Variants in PFDN2 observed in about 807,000 individuals in gnomAD.
The protein encoded by PFDN2 is prefoldin subunit 2.
PFDN2 carries 7 observed loss-of-function variants against 18.3 expected under a neutral mutation model. The observed-to-expected ratio is 0.38, with a 90% confidence interval of 0.22 to 0.72. The LOEUF (loss-of-function observed/expected upper bound fraction) is 0.72, where lower values mean the gene tolerates loss of function less well. Ranked by LOEUF, PFDN2 falls within the 30% of genes least tolerant of loss-of-function variation. The pLI is 0.47. For synonymous variants in PFDN2, 76 were observed against 75.0 expected, an observed-to-expected ratio of 1.01 and a Z score of -0.07; for missense variants, 181 against 199.1, an observed-to-expected ratio of 0.91 and a Z score of 0.55.
At chr1:161,100,941 G>A (rs1375334964) in intron 3 of PFDN2, 82 bp from the exon 4 acceptor site, 4 of 1,032,288 alleles carry the variant, frequency 3.9e-6, no homozygotes, top group Non-Finnish European at 5.9e-6. Context: ...TGGAGGAAGT[G>A]TTAACACATT....
At chr1:161,109,721 C>T (rs571778163) in intron 1 of PFDN2, among the ~76,000 whole-genome samples, 38 of 152,012 alleles carry the variant, frequency 2.5e-4, no homozygotes, top group Admixed American at 1.8e-3. Context: ...GATCCAGGCA[C>T]GGTGGCTCAC....
chr1:161,112,966 A>G (rs1203924814), intron 1 of PFDN2, among the ~76,000 whole-genome samples: 2 of 151,304 alleles, frequency 1.3e-5, no homozygotes, highest in Non-Finnish European at 2.9e-5. Flanking sequence ...AGGAGGGGGG[A>G]AAAAATCTCT....
At chr1:161,105,465 CTTT>C (rs768318514) in intron 1 of PFDN2, among the ~76,000 whole-genome samples, 1 of 150,750 alleles carries the variant, frequency 6.6e-6, no homozygotes, top group Non-Finnish European at 1.5e-5. Flanking sequence ...CTTTTCTTTT[CTTT>C]TTTTTTCTGA....
At chr1:161,104,089 T>C (rs1268581920) in intron 1 of PFDN2, among the ~76,000 whole-genome samples, 1 of 152,246 alleles carries the variant, frequency 6.6e-6, no homozygotes, top group African/African-American at 2.4e-5. Context: ...ATGTGTAGTG[T>C]GAACTGAGAA....
chr1:161,107,205 C>A (rs1455489443), intron 1 of PFDN2, among the ~76,000 whole-genome samples: 1 of 152,132 alleles, frequency 6.6e-6, no homozygotes, highest in Non-Finnish European at 1.5e-5. Context: ...GTAGATGGAT[C>A]ACGAGGTCAG....
chr1:161,117,971 C>T lies in PFDN2; in HGVS notation c.56G>A (p.Gly19Glu). 1 of 1,612,804 alleles carries T rather than the reference C, an allele frequency of 6.2e-7. No homozygotes were observed. The highest frequency in any genetic ancestry group is 1.1e-5 in the South Asian group (1 of 90,904). The change falls in exon 1 of 4, where the codon GGG becomes GAG. Residue 19 changes from glycine (G) to glutamate (E), a missense_variant. Coordinates refer to ENST00000368010, the MANE Select transcript of PFDN2 (RefSeq NM_012394.4). Reference protein sequence around the residue: ...GKSSGSGAGKGAVSAEQVIAG... With the variant: ...GKSSGSGAGKEAVSAEQVIAG... ...CCTCACCTGCTCTGCGGACACCGCCCCCTTCCCCGCGCCGCTCCCGCTGCT... is the reference window on the plus strand; with the variant it reads ...CCTCACCTGCTCTGCGGACACCGCCTCCTTCCCCGCGCCGCTCCCGCTGCT...
At chr1:161,113,992 G>A (rs1389132858) in intron 1 of PFDN2, among the ~76,000 whole-genome samples, 1 of 152,136 alleles carries the variant, frequency 6.6e-6, no homozygotes, top group African/African-American at 2.4e-5. Flanking sequence ...GTTTCCTGAG[G>A]GAAGTTTGAG....
In PFDN2 at chr1:161,100,643, G is replaced by A; in HGVS notation, c.*40C>T. On this transcript the variant is annotated 3_prime_UTR_variant, in exon 4 of 4. Transcript: ENST00000368010. ...TAATAACAATAAAGAGAAATTAGAAGTGGGAGTCAGGGTAGAAAAAAATGC... is the reference window on the plus strand; with the variant it reads ...TAATAACAATAAAGAGAAATTAGAAATGGGAGTCAGGGTAGAAAAAAATGC... 1.5e-6 allele frequency: 2 copies of A among 1,303,618 alleles called. No homozygotes were observed. The highest frequency in any genetic ancestry group is 3.0e-5 in the South Asian group (2 of 66,170). The allele number at this position is 1,303,618 out of a possible 1,614,324, so 80.8% of individuals were successfully genotyped here.
intron 1 of PFDN2, among the ~76,000 whole-genome samples, chr1:161,117,655 G>T (rs565798700): frequency 6.6e-6 from 1 of 152,282 alleles, no homozygotes; most frequent in South Asian, 2.1e-4. Context: ...AGGCTGAGGA[G>T]AGATAGAGAA....
At position 161,102,359 on chromosome 1, in the gene PFDN2, T is replaced by C. The variant is rs189134235; in HGVS notation, c.92A>G (p.Asn31Ser). 176 of 1,614,062 alleles carry C rather than the reference T, an allele frequency of 1.1e-4. No homozygotes were observed. Among genetic ancestry groups the C allele is most frequent in the Admixed American group, 5.2e-4 (31 of 60,020 alleles). The change falls in exon 2 of 4, where the codon AAC becomes AGC. Residue 31 changes from asparagine (N) to serine (S), a missense_variant. Transcript: ENST00000368010. The part of the protein sequence containing the change: ...VSAEQVIAGF[N>S]RLRQEQRGLA... ...GCCTCGCTGTTCCTGCCGAAGGCGG[T>C]TGAAGCCAGCAATCACCTAACAAGG...
chr1:161,109,154 C>T (rs1037530806), intron 1 of PFDN2, among the ~76,000 whole-genome samples: 2 of 152,208 alleles, frequency 1.3e-5, no homozygotes, highest in African/African-American at 4.8e-5. Flanking sequence ...ACTCAGTGTC[C>T]TAAGTCACTG....
intron 1 of PFDN2, among the ~76,000 whole-genome samples, chr1:161,107,405 A>T (rs1654700586): frequency 1.4e-5 from 2 of 138,262 alleles, no homozygotes; most frequent in Non-Finnish European, 3.1e-5. Flanking sequence ...ATCCTGGCTG[A>T]CAGAGCGAGA....
Position 161,108,240 on chromosome 1 carries a change from G to A in PFDN2, c.76-5865C>T, listed in dbSNP as rs576059919. ...GGCCAAGGCCAGCAGATCATTTGAG[G>A]TCAGGAGTTCAAGACCAGCCTGGCT... On this transcript the variant is annotated intron_variant, in intron 1 of 3. Coordinates refer to ENST00000368010, the MANE Select transcript of PFDN2 (RefSeq NM_012394.4). Among the ~76,000 whole-genome samples the A allele has an allele frequency of 5.4e-4, 82 of 151,182 alleles. 3 individuals are homozygous for A. In the South Asian group the frequency reaches 0.016, roughly 30 times the overall value.
At chr1:161,109,509 CTATT>C (rs1654753312) in intron 1 of PFDN2, among the ~76,000 whole-genome samples, 1 of 152,150 alleles carries the variant, frequency 6.6e-6, no homozygotes, top group Admixed American at 6.5e-5. Flanking sequence ...TTTAAAATAT[CTATT>C]TCTTTCATAG....
chr1:161,102,021 C>A (rs774438632), intron 3 of PFDN2, 27 bp downstream of exon 3: 2 of 1,613,446 alleles, frequency 1.2e-6, no homozygotes, highest in Non-Finnish European at 8.5e-7. Flanking sequence ...CCACTGTACC[C>A]GATCCTATTC....
In PFDN2 at chr1:161,100,838, G is replaced by C; in HGVS notation, c.310C>G (p.Leu104Val). 3.1e-6 allele frequency: 5 copies of C among 1,613,494 alleles called. No homozygotes were observed. The highest frequency in any genetic ancestry group is 1.7e-6 in the Non-Finnish European group (2 of 1,179,454). Residue 104 changes from leucine to valine, a missense_variant, in exon 4 of 4, where the codon CTG becomes GTG. By Grantham distance (32) the Leu-to-Val change is conservative. Transcript: ENST00000368010. ...KEQIQKIIETLTQQLQAKGKE... is the reference protein window; with the variant it reads ...KEQIQKIIETVTQQLQAKGKE... ...CCCTTTGCCTGAAGCTGCTGTGTCAGTGTCTCAATGATCTTCTGTATCTAG... is the reference window on the plus strand; with the variant it reads ...CCCTTTGCCTGAAGCTGCTGTGTCACTGTCTCAATGATCTTCTGTATCTAG...
At chr1:161,113,478 T>C (rs185237314) in intron 1 of PFDN2, among the ~76,000 whole-genome samples, 11 of 152,286 alleles carry the variant, frequency 7.2e-5, no homozygotes, top group East Asian at 1.9e-4. Flanking sequence ...ATGGCAGTAA[T>C]TGAATAACAG....
chr1:161,104,850 C>T (rs1654649103), intron 1 of PFDN2, among the ~76,000 whole-genome samples: 1 of 152,142 alleles, frequency 6.6e-6, no homozygotes, highest in Admixed American at 6.6e-5. Flanking sequence ...TAATACTTCA[C>T]CAAAAACTTG....
At chr1:161,117,848 A>T in intron 1 of PFDN2, 104 bp downstream of exon 1, 1 of 1,034,658 alleles carries the variant, frequency 9.7e-7, no homozygotes, top group Non-Finnish European at 1.4e-6. Flanking sequence ...GGTGCCACGC[A>T]CATGTGGTGC....
Sources: gnomAD v4.1 joint callset for allele counts (sites outside exome capture counted in the v4.1 genomes callset) on GRCh38, gnomAD v4.1.1 for gene constraint, MANE v1.5 for transcripts, NCBI Gene and HGNC (gene_info 2026-07-23, HGNC 2026-07-21) for gene names.